Variants in KCNMA1 observed in about 807,000 individuals in gnomAD.
The protein encoded by KCNMA1 is Calcium-activated potassium channel subunit alpha-1.
In KCNMA1, 29 loss-of-function variants were observed where a neutral mutation model predicts 140.0. That is an observed-to-expected ratio of 0.21 (90% CI 0.15 to 0.28). KCNMA1 has a LOEUF of 0.28. Ranked by LOEUF, KCNMA1 falls within the 10% of genes least tolerant of loss-of-function variation. The pLI, the probability that KCNMA1 is intolerant of heterozygous loss-of-function variation, is 1.00. For missense variants in KCNMA1, 880 were observed against 1,602.2 expected (o/e 0.55, Z 7.70); for synonymous variants, 612 against 611.9 (o/e 1.00, Z 0.00).
At chr10:77,127,071 AACAC>A (rs60249347) in intron 5 of KCNMA1, among the ~76,000 whole-genome samples, 1,661 of 146,394 alleles carry the variant, frequency 0.011, 20 homozygotes, top group East Asian at 0.051. Flanking sequence ...CACACACACA[AACAC>A]ACACACACAC....
chr10:77,248,034 A>G (rs1227733835), intron 3 of KCNMA1, among the ~76,000 whole-genome samples: 1 of 152,156 alleles, frequency 6.6e-6, no homozygotes, highest in African/African-American at 2.4e-5. Flanking sequence ...CTAATGGCCA[A>G]AAATGAAAGG....
chr10:77,437,345 C>A (rs1477980101), intron 1 of KCNMA1, among the ~76,000 whole-genome samples: 1 of 152,164 alleles, frequency 6.6e-6, no homozygotes, highest in Non-Finnish European at 1.5e-5. Flanking sequence ...TTAAAATATA[C>A]TGTCAGTGGC....
intron 1 of KCNMA1, chr10:77,587,989 C>T: frequency 2.4e-6 from 1 of 410,332 alleles, no homozygotes; most frequent in Non-Finnish European, 3.3e-6. Context: ...TTAAGTTAGT[C>T]TTCCTCAAAC....
chr10:77,089,945 T>A (rs541224763), intron 10 of KCNMA1, among the ~76,000 whole-genome samples: 3 of 152,158 alleles, frequency 2.0e-5, no homozygotes, highest in Non-Finnish European at 2.9e-5. Flanking sequence ...GGAACGGCAG[T>A]TGTTATTACT....
intron 1 of KCNMA1, among the ~76,000 whole-genome samples, chr10:77,499,400 C>A (rs975131026): frequency 8.8e-6 from 1 of 113,918 alleles, no homozygotes; most frequent in East Asian, 3.0e-4. Flanking sequence ...GCTCAGTAGG[C>A]ATGTATATAT....
At chr10:77,043,426 A>T (rs2094850492) in intron 14 of KCNMA1, among the ~76,000 whole-genome samples, 1 of 152,222 alleles carries the variant, frequency 6.6e-6, no homozygotes, top group Non-Finnish European at 1.5e-5. Context: ...ACTGTGGAAA[A>T]CAGTATGGTG....
At chr10:76,889,045 C>T (rs2038698445) in intron 27 of KCNMA1, among the ~76,000 whole-genome samples, 1 of 147,594 alleles carries the variant, frequency 6.8e-6, no homozygotes, top group African/African-American at 2.6e-5. Context: ...GGCAACAGAG[C>T]AACACTCCAT....
chr10:77,137,340 C>T (rs189492714), intron 5 of KCNMA1, among the ~76,000 whole-genome samples: 6 of 152,330 alleles, frequency 3.9e-5, no homozygotes, highest in Admixed American at 2.0e-4. Flanking sequence ...TTCCAATAAA[C>T]GTCTGTCGTT....
At chr10:77,242,899 TAC>T (rs199668848) in intron 3 of KCNMA1, among the ~76,000 whole-genome samples, 13,684 of 111,404 alleles carry the variant, frequency 0.12, 699 homozygotes, top group Non-Finnish European at 0.16. Flanking sequence ...AATTGTTTCC[TAC>T]ACACACACAC....
chr10:77,412,494 G>C (rs1355578909), intron 1 of KCNMA1, among the ~76,000 whole-genome samples: 1 of 152,190 alleles, frequency 6.6e-6, no homozygotes, highest in East Asian at 1.9e-4. Flanking sequence ...GGGGCAGGGG[G>C]AAGCCTTCTG....
chr10:77,623,658 G>A (rs1309906913), intron 1 of KCNMA1, among the ~76,000 whole-genome samples: 4 of 151,614 alleles, frequency 2.6e-5, no homozygotes, highest in East Asian at 1.9e-4. Flanking sequence ...AGCCGAGATC[G>A]TGACACTGCA....
intron 3 of KCNMA1, among the ~76,000 whole-genome samples, chr10:77,233,196 T>C (rs960661597): frequency 9.9e-5 from 15 of 152,224 alleles, no homozygotes; most frequent in African/African-American, 1.9e-4. Context: ...AAACTGGATG[T>C]ATTTCTGGAC....
intron 25 of KCNMA1, among the ~76,000 whole-genome samples, chr10:76,900,374 A>G (rs2044610081): frequency 1.3e-5 from 2 of 152,122 alleles, no homozygotes; most frequent in South Asian, 4.1e-4. Flanking sequence ...GCATACCTGA[A>G]CTGATAGACG....
chr10:77,018,029 C>T (rs951310678), intron 17 of KCNMA1, among the ~76,000 whole-genome samples: 1 of 152,144 alleles, frequency 6.6e-6, no homozygotes, highest in South Asian at 2.1e-4. Flanking sequence ...CCACTCTGGG[C>T]TCCACCACTT....
At chr10:76,884,867 A>G, downstream of KCNMA1, 2 of 1,352,044 alleles carry the variant, frequency 1.5e-6, no homozygotes, top group East Asian at 5.5e-5. Context: ...TAAACAAACC[A>G]ATAACAGAAT....
At chr10:77,508,863 T>C (rs894754955) in intron 1 of KCNMA1, among the ~76,000 whole-genome samples, 3 of 152,186 alleles carry the variant, frequency 2.0e-5, no homozygotes, top group African/African-American at 4.8e-5. Context: ...TGAATTTGCC[T>C]ACTCCAGGTA....
At chr10:77,589,743 A>T (rs781693024) in intron 1 of KCNMA1, among the ~76,000 whole-genome samples, 44 of 152,112 alleles carry the variant, frequency 2.9e-4, no homozygotes, top group Non-Finnish European at 5.4e-4. Context: ...GGCAGGAGTG[A>T]AGCTGCAGAC....
chr10:77,358,974 C>T (rs1480517617), intron 2 of KCNMA1, among the ~76,000 whole-genome samples: 1 of 152,190 alleles, frequency 6.6e-6, no homozygotes, highest in Non-Finnish European at 1.5e-5. Context: ...TCCTCAGTTT[C>T]CCCTTCATGC....
rs185250677 is a variant in KCNMA1 at position 76,890,955 on chromosome 10, G to A, written c.3342+570C>T. On this transcript the variant is annotated intron_variant, in intron 26 of 27. Transcript: ENST00000286628. ...TTGGCCGGTGGTTCTGGATACATCT[G>A]ACTACTGACTACCCTGGTGCTTTGA... Among the ~76,000 whole-genome samples the A allele has an allele frequency of 1.2e-3, 183 of 152,320 alleles. 1 individual carries two copies. The highest frequency in any genetic ancestry group is 3.2e-3 in the Admixed American group (49 of 15,302).
Sources: gnomAD v4.1 joint callset for allele counts (sites outside exome capture counted in the v4.1 genomes callset) on GRCh38, gnomAD v4.1.1 for gene constraint, MANE v1.5 for transcripts, NCBI Gene and HGNC (gene_info 2026-07-23, HGNC 2026-07-21) for gene names.